ARID1B: variants seen among roughly 807,000 people sequenced by gnomAD.
ARID1B encodes the protein AT-rich interactive domain-containing protein 1B.
A neutral mutation model predicts 212.3 loss-of-function variants in ARID1B; 30 were observed. The observed-to-expected ratio is 0.14, with a 90% CI of 0.11 to 0.19. The LOEUF (loss-of-function observed/expected upper bound fraction) is 0.19, where lower values mean the gene tolerates loss of function less well. Among genes scored for constraint, ARID1B ranks in the 10% least tolerant of loss-of-function variants. The pLI, the probability that ARID1B is intolerant of heterozygous loss-of-function variation, is 1.00. For missense variants in ARID1B, 2,891 were observed against 3,204.0 expected, an observed-to-expected ratio of 0.90 and a Z score of 2.36; for synonymous variants, 1,402 against 1,301.7, an observed-to-expected ratio of 1.08 and a Z score of -1.66.
chr6:157,205,963 G>T, intron 19 of ARID1B: 1 of 618,630 alleles, frequency 1.6e-6, no homozygotes, highest in Non-Finnish European at 2.9e-6. Context: ...GCTAAACATC[G>T]GTTTAGTTTA....
chr6:156,797,708 C>T (rs1475957042), intron 1 of ARID1B, among the ~76,000 whole-genome samples: 1 of 152,200 alleles, frequency 6.6e-6, no homozygotes, highest in Non-Finnish European at 1.5e-5. Flanking sequence ...GGTTTCCAGA[C>T]AGCTCGATGG....
chr6:156,948,940 G>T (rs545055876), intron 4 of ARID1B, among the ~76,000 whole-genome samples: 6 of 152,196 alleles, frequency 3.9e-5, no homozygotes, highest in Non-Finnish European at 7.3e-5. Context: ...GAAGTGTTTT[G>T]CCATCTTGTG....
At chr6:156,987,393 C>T (rs1022986050) in intron 4 of ARID1B, among the ~76,000 whole-genome samples, 9 of 150,492 alleles carry the variant, frequency 6.0e-5, no homozygotes, top group African/African-American at 2.2e-4. Flanking sequence ...TGCAGTGGCA[C>T]GATGTCCGCT....
chr6:156,958,676 T>C (rs554642277), intron 4 of ARID1B, among the ~76,000 whole-genome samples: 2 of 152,326 alleles, frequency 1.3e-5, no homozygotes, highest in South Asian at 4.1e-4. Context: ...TTATTTTTAA[T>C]TATAGTCTGG....
Position 156,778,295 on chromosome 6 carries a change from G to C in ARID1B, c.615G>C (p.Gln205His). 4 of 1,435,594 alleles carry C rather than the reference G, an allele frequency of 2.8e-6. No homozygotes were observed. Among genetic ancestry groups the C allele is most frequent in the Non-Finnish European group, 3.7e-6 (4 of 1,068,702 alleles). The allele number at this position is 1,435,594 out of a possible 1,614,324, so 88.9% of individuals were successfully genotyped here. Residue 205 changes from glutamine (Q) to histidine (H), a missense_variant, in exon 1 of 20, where the codon CAG (glutamine) becomes CAC (histidine). Around this residue, in one of 7 missense-constraint regions of ARID1B, gnomAD observed 1,643 missense variants for 1,544.0 expected, o/e 1.06. Coordinates refer to ENST00000636930, the MANE Select transcript of ARID1B (RefSeq NM_001374828.1). ...AGCAGCAGCAGCAGCAGCAGCAACA[G>C]CAGCAGCAGCAGCAGCAGCAACAGC... ...QFQQQQQQQQ[Q>H]QQQQQQQQQH...
chr6:157,012,755 T>C (rs970530325), intron 4 of ARID1B, among the ~76,000 whole-genome samples: 2 of 152,258 alleles, frequency 1.3e-5, no homozygotes, highest in Non-Finnish European at 2.9e-5. Flanking sequence ...ATATCCAGTG[T>C]TCGTTTCAGA....
chr6:157,186,544 C>T (rs778217280), intron 13 of ARID1B: 2 of 471,102 alleles, frequency 4.2e-6, no homozygotes, highest in South Asian at 1.5e-5. Context: ...GTGGCCTCTC[C>T]GATTCCAGTC....
chr6:156,979,154 T>TA (rs1277773758), intron 4 of ARID1B, among the ~76,000 whole-genome samples: 1 of 152,210 alleles, frequency 6.6e-6, no homozygotes, highest in East Asian at 1.9e-4. Flanking sequence ...TTTCTATACT[T>TA]ACCAGGTGAC....
chr6:156,847,159 T>C (rs1017354791), intron 2 of ARID1B, among the ~76,000 whole-genome samples: 7 of 147,284 alleles, frequency 4.8e-5, no homozygotes, highest in African/African-American at 1.7e-4. Context: ...TAATAAGCAG[T>C]TTTTTTTTTT....
At chr6:157,081,235 G>A (rs1158652373) in intron 4 of ARID1B, among the ~76,000 whole-genome samples, 1 of 152,170 alleles carries the variant, frequency 6.6e-6, no homozygotes, top group Non-Finnish European at 1.5e-5. Flanking sequence ...ATGCAGTAAG[G>A]TCTCTCTGTT....
chr6:157,056,851 A>ACTTTTTTTGTTAAAACTTTTCTT, intron 4 of ARID1B, among the ~76,000 whole-genome samples: 1 of 135,742 alleles, frequency 7.4e-6, no homozygotes, highest in Admixed American at 7.5e-5. Flanking sequence ...GCTTTTTTTA[A>ACTTTTTTTGTTAAAACTTTTCTT]CTTTTTTTGT....
intron 6 of ARID1B, chr6:157,110,955 T>G: frequency 5.3e-6 from 1 of 188,644 alleles, no homozygotes; most frequent in Non-Finnish European, 1.1e-5. Context: ...ATACTGGTTA[T>G]TCCCTGATAT....
chr6:157,124,307 G>A (rs962166021), intron 6 of ARID1B, among the ~76,000 whole-genome samples: 4 of 152,364 alleles, frequency 2.6e-5, no homozygotes, highest in African/African-American at 9.6e-5. Flanking sequence ...CCTTGCTTGG[G>A]CAGATGAGAG....
intron 6 of ARID1B, among the ~76,000 whole-genome samples, chr6:157,118,310 CAGT>C (rs1787466866): frequency 6.6e-6 from 1 of 152,206 alleles, no homozygotes; most frequent in South Asian, 2.1e-4. Flanking sequence ...GTAAGTGTGA[CAGT>C]AGATCTGCAG....
chr6:157,005,990 T>A (rs1466800930), intron 4 of ARID1B, among the ~76,000 whole-genome samples: 3 of 152,190 alleles, frequency 2.0e-5, no homozygotes, highest in African/African-American at 7.2e-5. Flanking sequence ...CTCTTTTCTC[T>A]CTGTCTTCCC....
intron 3 of ARID1B, among the ~76,000 whole-genome samples, chr6:156,921,426 A>G (rs1264030616): frequency 1.4e-5 from 2 of 145,328 alleles, no homozygotes. Flanking sequence ...CAGTAATAGC[A>G]CTTGATGGGA....
chr6:157,143,441 G>C lies in ARID1B; in HGVS notation c.2762-5183G>C, dbSNP rs573781271. On this transcript the variant is annotated intron_variant, in intron 7 of 19. Transcript: ENST00000636930. The stretch of plus-strand genomic sequence containing the variant: ...AAAGATACGTTATCGAGTAGTTGGG[G>C]GGGGCATGAATCATTTTTCACCCCA... Among the ~76,000 whole-genome samples the C allele has an allele frequency of 3.9e-4, 58 of 150,192 alleles. 1 individual carries two copies. The South Asian group carries it at 0.012, about 31-fold the overall frequency.
intron 3 of ARID1B, among the ~76,000 whole-genome samples, chr6:156,924,328 A>G (rs987564808): frequency 6.6e-6 from 1 of 152,218 alleles, no homozygotes; most frequent in Non-Finnish European, 1.5e-5. Flanking sequence ...CAACCTCAGG[A>G]TGTGCTATTT....
chr6:156,974,989 CAT>C (rs1385722971), intron 4 of ARID1B, among the ~76,000 whole-genome samples: 18 of 152,266 alleles, frequency 1.2e-4, no homozygotes, highest in Admixed American at 5.2e-4. Flanking sequence ...CAGGAACAGT[CAT>C]GTGTAGGTCT....
Sources: gnomAD v4.1 joint callset for allele counts (sites outside exome capture counted in the v4.1 genomes callset) on GRCh38, gnomAD v4.1.1 for gene constraint, gnomAD v4.1.1 regional missense constraint, MANE v1.5 for transcripts, NCBI Gene and HGNC (gene_info 2026-07-23, HGNC 2026-07-21) for gene names.